C1orf87: variants seen among roughly 807,000 people sequenced by gnomAD.
C1orf87 encodes the protein uncharacterized protein C1orf87.
A neutral mutation model predicts 60.5 loss-of-function variants in C1orf87; 58 were observed. The observed-to-expected ratio is 0.96, with a 90% CI of 0.78 to 1.19. The LOEUF (loss-of-function observed/expected upper bound fraction) is 1.19, where lower values mean the gene tolerates loss of function less well. Among genes scored for constraint, C1orf87 ranks in the 50% most tolerant of loss-of-function variants. The pLI, the probability that C1orf87 is intolerant of heterozygous loss-of-function variation, is 0.00. For missense variants in C1orf87, 673 were observed against 638.6 expected (o/e 1.05, Z -0.58); for synonymous variants, 236 against 227.4 (o/e 1.04, Z -0.34).
rs1645444299 is a variant in C1orf87, at chr1:60,055,205, T to C, written c.341A>G (p.Asn114Ser). ...GANSSRFLDG[N>S]IPSQANVHCS... The stretch of plus-strand genomic sequence containing the variant: ...ACGTGGGTATTTTTTGTCACTCACA[T>C]TGCCATCCAGGAATCTGCTACTGTT... Residue 114 changes from asparagine to serine, a missense_variant and splice_region_variant, in exon 3 of 12, where the codon AAT becomes AGT. Physicochemically the swap from Asn to Ser is conservative, Grantham distance 46. Transcript: ENST00000371201. The C allele has an allele frequency of 1.2e-6, 2 of 1,609,714 alleles. No homozygotes were observed. The highest frequency in any genetic ancestry group is 1.3e-5 in the African/African-American group (1 of 74,746).
intron 8 of C1orf87, among the ~76,000 whole-genome samples, chr1:60,019,674 G>A (rs1015998226): frequency 6.6e-6 from 1 of 152,174 alleles, no homozygotes; most frequent in South Asian, 2.1e-4. Flanking sequence ...TCCAGGCTGA[G>A]GTAGTTTCAA....
At chr1:60,019,839 G>C (rs1298956220) in intron 8 of C1orf87, among the ~76,000 whole-genome samples, 1 of 152,146 alleles carries the variant, frequency 6.6e-6, no homozygotes, top group Non-Finnish European at 1.5e-5. Context: ...AAATTTCTAA[G>C]TAGCAAAGCA....
rs114817315 is a variant in C1orf87 at position 60,063,085 on chromosome 1, G to A, written c.108-7647C>T. On this transcript the variant is annotated intron_variant, in intron 2 of 11. Coordinates refer to ENST00000371201, the MANE Select transcript of C1orf87 (RefSeq NM_152377.3). ...AGGGCTTAATAGAAGTATGATTTTA[G>A]CATACTACTTTATTATTTTGAACTT... Among the ~76,000 whole-genome samples, 1,252 of 152,220 alleles carry A rather than the reference G, an allele frequency of 8.2e-3. 15 individuals are homozygous for A. Among genetic ancestry groups the A allele is most frequent in the Middle Eastern group, 0.014 (4 of 294 alleles).
chr1:60,065,257 A>C (rs1320644031), intron 2 of C1orf87, among the ~76,000 whole-genome samples: 1 of 151,092 alleles, frequency 6.6e-6, no homozygotes, highest in East Asian at 2.0e-4. Flanking sequence ...ACCTGTGAAT[A>C]GTTGCAGCCT....
intron 9 of C1orf87, among the ~76,000 whole-genome samples, chr1:60,002,601 T>C (rs1645013708): frequency 6.6e-6 from 1 of 152,062 alleles, no homozygotes; most frequent in Non-Finnish European, 1.5e-5. Flanking sequence ...ACTCTGATGG[T>C]AGTTTCTTTT....
At chr1:60,004,794 G>C (rs1301967674) in intron 9 of C1orf87, among the ~76,000 whole-genome samples, 1 of 151,898 alleles carries the variant, frequency 6.6e-6, no homozygotes, top group Non-Finnish European at 1.5e-5. Flanking sequence ...AGATTTCCAG[G>C]TGTTGGAGGG....
At chr1:60,039,002 G>A (rs1437924711) in intron 5 of C1orf87, among the ~76,000 whole-genome samples, 1 of 152,274 alleles carries the variant, frequency 6.6e-6, no homozygotes, top group African/African-American at 2.4e-5. Flanking sequence ...AATCAATATT[G>A]TATTGCTAAA....
At chr1:60,003,313 G>A (rs190426824) in intron 9 of C1orf87, among the ~76,000 whole-genome samples, 393 of 116,406 alleles carry the variant, frequency 3.4e-3, no homozygotes, top group African/African-American at 0.012. Flanking sequence ...ACACTCTGGG[G>A]ACTTTTGTGG....
chr1:60,056,509 T>C (rs1645457824), intron 2 of C1orf87, among the ~76,000 whole-genome samples: 3 of 152,204 alleles, frequency 2.0e-5, no homozygotes, highest in South Asian at 4.1e-4. Context: ...ATGAAGTCAT[T>C]AAAATAGTTA....
At chr1:59,997,307 T>C (rs754609626) in intron 11 of C1orf87, among the ~76,000 whole-genome samples, 4 of 152,150 alleles carry the variant, frequency 2.6e-5, no homozygotes, top group Non-Finnish European at 5.9e-5. Context: ...GAGTTCATCC[T>C]CTTATCAGTG....
At chr1:60,026,549 G>T (rs553972895) in intron 7 of C1orf87, among the ~76,000 whole-genome samples, 2 of 151,506 alleles carry the variant, frequency 1.3e-5, no homozygotes, top group South Asian at 4.2e-4. Context: ...AAGAAGAGAG[G>T]AAACAAGGGA....
chr1:59,995,467 CAACTT>C (rs1293561265), intron 11 of C1orf87, among the ~76,000 whole-genome samples: 1 of 152,160 alleles, frequency 6.6e-6, no homozygotes, highest in Non-Finnish European at 1.5e-5. Context: ...AATAGGTTCT[CAACTT>C]TACTGTATGT....
At chr1:60,059,295 C>T (rs758554584) in intron 2 of C1orf87, among the ~76,000 whole-genome samples, 1 of 152,134 alleles carries the variant, frequency 6.6e-6, no homozygotes, top group African/African-American at 2.4e-5. Flanking sequence ...GGGGGAAAAA[C>T]GCCATCAATA....
At chr1:60,025,349 G>T in intron 8 of C1orf87, 52 bp downstream of exon 8, 1 of 1,369,398 alleles carries the variant, frequency 7.3e-7, no homozygotes, top group South Asian at 1.2e-5. Flanking sequence ...CATATCATTT[G>T]GGGAAGGGGT....
intron 6 of C1orf87, 31 bp downstream of exon 6, chr1:60,037,961 A>T: frequency 1.4e-6 from 2 of 1,479,616 alleles, no homozygotes; most frequent in Non-Finnish European, 1.9e-6. Flanking sequence ...ACACCTAGGA[A>T]CAATACCCTC....
At chr1:59,999,012 T>A (rs1644982883) in intron 10 of C1orf87, among the ~76,000 whole-genome samples, 1 of 152,176 alleles carries the variant, frequency 6.6e-6, no homozygotes, top group South Asian at 2.1e-4. Flanking sequence ...ATTATGCCTC[T>A]AACTTTTGTA....
At chr1:60,035,850 A>T (rs1310014413) in intron 6 of C1orf87, among the ~76,000 whole-genome samples, 4 of 152,188 alleles carry the variant, frequency 2.6e-5, no homozygotes, top group African/African-American at 9.7e-5. Flanking sequence ...CCTAACCTCA[A>T]ATGTCAAATA....
chr1:60,003,728 A>G (rs1415853433), intron 9 of C1orf87, among the ~76,000 whole-genome samples: 1 of 152,074 alleles, frequency 6.6e-6, no homozygotes, highest in Non-Finnish European at 1.5e-5. Flanking sequence ...ACCCCTCATT[A>G]GAATTAAATA....
chr1:60,033,916 A>G (rs1429331229), intron 6 of C1orf87, among the ~76,000 whole-genome samples: 4 of 152,194 alleles, frequency 2.6e-5, no homozygotes, highest in African/African-American at 9.7e-5. Context: ...TTCTTAATCT[A>G]TCTTTGTAAC....
Sources: gnomAD v4.1 joint callset for allele counts (sites outside exome capture counted in the v4.1 genomes callset) on GRCh38, gnomAD v4.1.1 for gene constraint, MANE v1.5 for transcripts, NCBI Gene and HGNC (gene_info 2026-07-23, HGNC 2026-07-21) for gene names.